ARHGAP24: variants seen among roughly 807,000 people sequenced by gnomAD.
The protein encoded by ARHGAP24 is Rho GTPase activating protein 24.
Under a neutral mutation model 76.4 loss-of-function variants are expected in ARHGAP24, and 50 were observed. The ratio of observed to expected loss-of-function variants is 0.65; its 90% CI spans 0.52 to 0.83. ARHGAP24 has a LOEUF of 0.83. ARHGAP24 is among the 40% of genes least tolerant of loss of function. ARHGAP24 has a pLI of 0.00. For missense variants in ARHGAP24, 930 were observed against 914.2 expected, an observed-to-expected ratio of 1.02 and a Z score of -0.22; for synonymous variants, 345 against 323.3, an observed-to-expected ratio of 1.07 and a Z score of -0.72.
intron 2 of ARHGAP24, among the ~76,000 whole-genome samples, chr4:85,643,743 G>T (rs898136546): frequency 6.6e-6 from 1 of 152,084 alleles, no homozygotes; most frequent in Non-Finnish European, 1.5e-5. Flanking sequence ...TTCCCCAAAA[G>T]AGTATCTTTT....
intron 3 of ARHGAP24, among the ~76,000 whole-genome samples, chr4:85,883,260 T>G (rs989554623): frequency 1.3e-5 from 2 of 152,188 alleles, no homozygotes; most frequent in African/African-American, 4.8e-5. Context: ...TTGAAAGGGC[T>G]TGTGATCAGG....
chr4:85,522,867 A>G (rs977215016), intron 1 of ARHGAP24, among the ~76,000 whole-genome samples: 13 of 152,118 alleles, frequency 8.5e-5, no homozygotes, highest in African/African-American at 3.1e-4. Context: ...TTCAAGGCCC[A>G]CTTAGAGGTA....
At chr4:85,516,459 C>T (rs1445053265) in intron 1 of ARHGAP24, among the ~76,000 whole-genome samples, 1 of 152,058 alleles carries the variant, frequency 6.6e-6, no homozygotes, top group Non-Finnish European at 1.5e-5. Context: ...TGTTGTTTCA[C>T]TTAAAGTTGC....
At chr4:85,602,658 A>G (rs1248178890) in intron 2 of ARHGAP24, among the ~76,000 whole-genome samples, 1 of 152,192 alleles carries the variant, frequency 6.6e-6, no homozygotes, top group Non-Finnish European at 1.5e-5. Context: ...AATGAAAGGA[A>G]ATAGAATAGT....
chr4:85,706,898 G>A (rs948114704), intron 2 of ARHGAP24, among the ~76,000 whole-genome samples: 7 of 151,896 alleles, frequency 4.6e-5, no homozygotes, highest in Middle Eastern at 3.4e-3. Flanking sequence ...TTAAATGAAC[G>A]CCTTATTTTG....
At chr4:85,694,692 A>G (rs1172841740) in intron 2 of ARHGAP24, among the ~76,000 whole-genome samples, 2 of 152,178 alleles carry the variant, frequency 1.3e-5, no homozygotes, top group Non-Finnish European at 2.9e-5. Flanking sequence ...TGTGTTTTAC[A>G]TAACAGATAT....
At chr4:85,780,694 A>G (rs903246262) in intron 3 of ARHGAP24, among the ~76,000 whole-genome samples, 1 of 152,184 alleles carries the variant, frequency 6.6e-6, no homozygotes, top group Non-Finnish European at 1.5e-5. Flanking sequence ...AGAGGCAATA[A>G]CTTTATCTGA....
chr4:85,564,416 T>A (rs1415733072), intron 1 of ARHGAP24, among the ~76,000 whole-genome samples: 2 of 145,714 alleles, frequency 1.4e-5, no homozygotes, highest in African/African-American at 2.7e-5. Context: ...GCGGGGGGGA[T>A]AGCATTAGGA....
At chr4:85,942,589 G>A (rs185174589) in intron 5 of ARHGAP24, 1 of 265,322 alleles carries the variant, frequency 3.8e-6, no homozygotes, top group African/African-American at 2.2e-5. Flanking sequence ...CTTGCTTAAT[G>A]TTTTTAAATT....
chr4:85,622,151 G>A (rs941215790), intron 2 of ARHGAP24, among the ~76,000 whole-genome samples: 5 of 151,576 alleles, frequency 3.3e-5, no homozygotes, highest in African/African-American at 9.7e-5. Flanking sequence ...CAACATGCAG[G>A]TTTGTTACAT....
chr4:85,542,334 G>C (rs1725737035), intron 1 of ARHGAP24, among the ~76,000 whole-genome samples: 1 of 152,094 alleles, frequency 6.6e-6, no homozygotes, highest in South Asian at 2.1e-4. Context: ...TTCAAAGCAA[G>C]TTTTTTGAAT....
chr4:85,682,173 T>C (rs1723230477), intron 2 of ARHGAP24, among the ~76,000 whole-genome samples: 1 of 152,184 alleles, frequency 6.6e-6, no homozygotes, highest in African/African-American at 2.4e-5. Flanking sequence ...TAAGTGTTAG[T>C]ATGAGCAATC....
At chr4:85,502,461 AG>A (rs1723861103) in intron 1 of ARHGAP24, among the ~76,000 whole-genome samples, 1 of 152,060 alleles carries the variant, frequency 6.6e-6, no homozygotes, top group Admixed American at 6.5e-5. Flanking sequence ...TTGGATTCCT[AG>A]GTATTTTATT....
At chr4:85,862,175 ATTAAAT>A (rs1182766054) in intron 3 of ARHGAP24, among the ~76,000 whole-genome samples, 1 of 151,988 alleles carries the variant, frequency 6.6e-6, no homozygotes, top group African/African-American at 2.4e-5. Flanking sequence ...CTTCAACCAA[ATTAAAT>A]TTAAAGGATT....
chr4:85,693,986 C>G (rs910896007), intron 2 of ARHGAP24, among the ~76,000 whole-genome samples: 28 of 152,134 alleles, frequency 1.8e-4, no homozygotes, highest in Non-Finnish European at 1.8e-4. Context: ...GAGAGTCATA[C>G]AGTTCCTTCA....
intron 1 of ARHGAP24, among the ~76,000 whole-genome samples, chr4:85,552,220 T>C (rs1026516042): frequency 6.6e-6 from 1 of 152,192 alleles, no homozygotes; most frequent in Non-Finnish European, 1.5e-5. Context: ...TGGCATGTTG[T>C]ATCTTTGTTC....
At chr4:85,752,754 T>G (rs1262429826) in intron 3 of ARHGAP24, among the ~76,000 whole-genome samples, 1 of 152,198 alleles carries the variant, frequency 6.6e-6, no homozygotes, top group African/African-American at 2.4e-5. Context: ...TAACACTCAT[T>G]AAAAATACTA....
chr4:85,754,869 C>T (rs1403452239), intron 3 of ARHGAP24, among the ~76,000 whole-genome samples: 1 of 152,084 alleles, frequency 6.6e-6, no homozygotes, highest in Non-Finnish European at 1.5e-5. Context: ...TTTTTTGGTT[C>T]CTCTGTTTAC....
intron 2 of ARHGAP24, among the ~76,000 whole-genome samples, chr4:85,665,257 A>G (rs1455880339): frequency 6.6e-6 from 1 of 151,940 alleles, no homozygotes; most frequent in Non-Finnish European, 1.5e-5. Context: ...TGATCCCTTT[A>G]CCATTATGTA....
Sources: gnomAD v4.1 joint callset for allele counts (sites outside exome capture counted in the v4.1 genomes callset) on GRCh38, gnomAD v4.1.1 for gene constraint, MANE v1.5 for transcripts, NCBI Gene and HGNC (gene_info 2026-07-23, HGNC 2026-07-21) for gene names.